Variants in SP140L observed in about 807,000 individuals in gnomAD.
SP140L encodes the protein nuclear body protein SP140-like protein.
Under a neutral mutation model 84.3 loss-of-function variants are expected in SP140L, and 64 were observed. The observed-to-expected ratio is 0.76, with a 90% CI of 0.62 to 0.94. The LOEUF (loss-of-function observed/expected upper bound fraction) is 0.94. SP140L is among the 40% of genes least tolerant of loss of function. The pLI is 0.00. For synonymous variants in SP140L, 242 were observed against 236.9 expected, an observed-to-expected ratio of 1.02 and a Z score of -0.20; for missense variants, 628 against 692.5, an observed-to-expected ratio of 0.91 and a Z score of 1.05.
intron 14 of SP140L, among the ~76,000 whole-genome samples, chr2:230,398,611 G>A (rs1292924286): frequency 2.0e-5 from 3 of 152,242 alleles, no homozygotes; most frequent in African/African-American, 7.2e-5. Flanking sequence ...AAGTGTGAGA[G>A]GGAAAAAGTC....
intron 13 of SP140L, among the ~76,000 whole-genome samples, chr2:230,394,397 C>T (rs565711390): frequency 1.8e-4 from 28 of 152,352 alleles, no homozygotes; most frequent in African/African-American, 6.7e-4. Flanking sequence ...ACAGCTCACA[C>T]ATAGCTAGCC....
At chr2:230,377,129 A>G (rs1428703974) in intron 7 of SP140L, among the ~76,000 whole-genome samples, 3 of 152,166 alleles carry the variant, frequency 2.0e-5, no homozygotes, top group Non-Finnish European at 4.4e-5. Context: ...CCCAAAGTCC[A>G]CTTGTGTTCT....
At chr2:230,398,455 A>G (rs72495180) in intron 14 of SP140L, among the ~76,000 whole-genome samples, 1 of 152,120 alleles carries the variant, frequency 6.6e-6, no homozygotes, top group Non-Finnish European at 1.5e-5. Flanking sequence ...CTCAGACAGA[A>G]CAGCGTGTTG....
At position 230,402,823 on chromosome 2, in the gene SP140L, T is replaced by G; in HGVS notation, c.1670T>G (p.Leu557Arg). Residue 557 changes from leucine to arginine, a missense_variant, in exon 19 of 19, where the codon CTT (leucine) becomes CGT (arginine). Leu to Arg is a moderately radical substitution (Grantham distance 102). This residue lies in a region of SP140L where 44 missense variants were observed against 36.1 expected (regional missense o/e 1.22). Transcript: ENST00000415673. ...TATAAGGATTTTGGCCAAATGGGAC[T>G]TAGACTGGAGGCTGAATTTGAGAAG... is the stretch of plus-strand genomic sequence containing the variant. ...YKYKDFGQMG[L>R]RLEAEFEKDF... The G allele has an allele frequency of 3.7e-6, 6 of 1,612,658 alleles. No individual in the cohort carries two copies. The highest frequency in any genetic ancestry group is 5.1e-6 in the Non-Finnish European group (6 of 1,179,682).
At chr2:230,368,474 G>T (rs192721563) in intron 5 of SP140L, among the ~76,000 whole-genome samples, 61 of 152,138 alleles carry the variant, frequency 4.0e-4, no homozygotes, top group African/African-American at 1.4e-3. Flanking sequence ...TGACCTTCTG[G>T]TACCTGAAGA....
intron 4 of SP140L, among the ~76,000 whole-genome samples, 172 bp from the exon 5 acceptor site, chr2:230,361,442 A>G (rs1156534453): frequency 6.6e-6 from 1 of 152,154 alleles, no homozygotes; most frequent in Non-Finnish European, 1.5e-5. Context: ...TGTAGGACAC[A>G]TAAAAGCTCA....
At position 230,349,706 on chromosome 2, in the gene SP140L, G is replaced by A. The variant is rs888147659; in HGVS notation, c.108-8099G>A. On this transcript the variant is annotated intron_variant, in intron 2 of 18. Transcript: ENST00000415673. ...CAATATCATTGAATAAGTTATGGGG[G>A]TACTAAATATACTTACTCTAGGCTG... 3.3e-5 allele frequency among the ~76,000 whole-genome samples: 5 copies of A among 152,112 alleles called. No individual in the cohort carries two copies. The East Asian group carries it at 9.7e-4, about 29-fold the overall frequency.
intron 5 of SP140L, among the ~76,000 whole-genome samples, chr2:230,369,198 T>G (rs1337396509): frequency 6.6e-6 from 1 of 152,178 alleles, no homozygotes; most frequent in Non-Finnish European, 1.5e-5. Flanking sequence ...GGATAATCAG[T>G]GGGCAGGTCT....
At chr2:230,396,603 A>T (rs2062060050) in intron 13 of SP140L, among the ~76,000 whole-genome samples, 154 bp from the exon 14 acceptor site, 1 of 152,258 alleles carries the variant, frequency 6.6e-6, no homozygotes, top group African/African-American at 2.4e-5. Context: ...AAAGCACTGG[A>T]GCCACCCCAG....
intron 5 of SP140L, among the ~76,000 whole-genome samples, chr2:230,366,988 A>G (rs1313998157): frequency 4.0e-5 from 6 of 151,894 alleles, no homozygotes; most frequent in Non-Finnish European, 8.8e-5. Flanking sequence ...TCGGCCTCCC[A>G]AAGTGCTAGG....
intron 15 of SP140L, chr2:230,400,444 T>C (rs1423824890): frequency 3.5e-6 from 2 of 575,774 alleles, no homozygotes; most frequent in African/African-American, 3.8e-5. Flanking sequence ...CAGGGACACC[T>C]CCTCTGATAT....
intron 7 of SP140L, among the ~76,000 whole-genome samples, chr2:230,379,582 G>C (rs2061345495): frequency 1.3e-5 from 2 of 151,844 alleles, no homozygotes; most frequent in African/African-American, 4.8e-5. Flanking sequence ...ACTCACCATT[G>C]TTCTTTTTCT....
chr2:230,352,377 T>G (rs1227849161), intron 2 of SP140L, among the ~76,000 whole-genome samples: 1 of 152,164 alleles, frequency 6.6e-6, no homozygotes, highest in Non-Finnish European at 1.5e-5. Flanking sequence ...CTCAGGAAAC[T>G]TAACAATTAT....
At chr2:230,378,583 C>T (rs1041296752) in intron 7 of SP140L, among the ~76,000 whole-genome samples, 1 of 152,120 alleles carries the variant, frequency 6.6e-6, no homozygotes, top group Non-Finnish European at 1.5e-5. Context: ...CTGGAAATAT[C>T]GATGTCTGCA....
At chr2:230,374,297 T>C (rs1044681710) in intron 7 of SP140L, among the ~76,000 whole-genome samples, 7 of 144,816 alleles carry the variant, frequency 4.8e-5, no homozygotes, top group African/African-American at 1.8e-4. Flanking sequence ...GCCTGGGCAA[T>C]AGAGTAAGAC....
intron 7 of SP140L, among the ~76,000 whole-genome samples, chr2:230,373,375 G>A (rs1575500089): frequency 6.6e-6 from 1 of 152,232 alleles, no homozygotes; most frequent in Admixed American, 6.5e-5. Flanking sequence ...GACAGGAGGA[G>A]TCTCTTGTTA....
At position 230,393,471 on chromosome 2, in the gene SP140L, A is replaced by G. The variant is rs1226561325; in HGVS notation, c.1155+10A>G. ...TTACAGGAACAAAAAGGTGATTATT[A>G]CATAATTTTCTACAGATTCTTGTCA... On this transcript the variant is annotated intron_variant, in intron 13 of 18. Coordinates refer to ENST00000415673, the MANE Select transcript of SP140L (RefSeq NM_138402.6). 6.4e-7 allele frequency: 1 copy of G among 1,565,218 alleles called. No individual in the cohort carries two copies. The highest frequency in any genetic ancestry group is 8.6e-7 in the Non-Finnish European group (1 of 1,158,126).
At chr2:230,342,352 C>T (rs146775197) in intron 2 of SP140L, among the ~76,000 whole-genome samples, 3,065 of 152,334 alleles carry the variant, frequency 0.02, 56 homozygotes, top group Non-Finnish European at 0.031. Context: ...TGCTTCCGCT[C>T]GCGCACGGTG....
chr2:230,358,996 T>C lies in SP140L; in HGVS notation c.303T>C (p.Pro101=), dbSNP rs1559424723. Reference sequence around the variant, plus strand: ...AAGATTCTTGTAGAAACCTGGTCCCTGTACAAAGAGTGGTGTACAATGTTC... The same window carrying C: ...AAGATTCTTGTAGAAACCTGGTCCCCGTACAAAGAGTGGTGTACAATGTTC... The part of the protein sequence containing the change: ...DSEDSCRNLV[P]VQRVVYNVLS... Residue 101 remains proline, a synonymous_variant, in exon 4 of 19, where the codon CCT becomes CCC. Transcript: ENST00000415673. The C allele has an allele frequency of 2.5e-6, 4 of 1,603,962 alleles. No homozygotes were observed. Among genetic ancestry groups the C allele is most frequent in the East Asian group, 2.2e-5 (1 of 44,710 alleles).
Sources: gnomAD v4.1 joint callset for allele counts (sites outside exome capture counted in the v4.1 genomes callset) on GRCh38, gnomAD v4.1.1 for gene constraint, gnomAD v4.1.1 regional missense constraint, MANE v1.5 for transcripts, NCBI Gene and HGNC (gene_info 2026-07-23, HGNC 2026-07-21) for gene names.